TRAF3: variants seen among roughly 807,000 people sequenced by gnomAD.
The protein encoded by TRAF3 is TNF receptor associated factor 3.
A neutral mutation model predicts 62.3 loss-of-function variants in TRAF3; 13 were observed. The ratio of observed to expected loss-of-function variants is 0.21; its 90% CI spans 0.14 to 0.33. The LOEUF is 0.33. Ranked by LOEUF, TRAF3 falls within the 10% of genes least tolerant of loss-of-function variation. The probability of loss-of-function intolerance (pLI) is 1.00; values close to 1 mark genes in which losing one functional copy is unlikely to be tolerated. For synonymous variants in TRAF3, 269 were observed against 283.4 expected (o/e 0.95, Z 0.51); for missense variants, 440 against 741.8 (o/e 0.59, Z 4.73).
chr14:102,823,884 T>TCTCAGC (rs34411291), intron 1 of TRAF3, among the ~76,000 whole-genome samples: 1 of 151,454 alleles, frequency 6.6e-6, no homozygotes, highest in Non-Finnish European at 1.5e-5. Flanking sequence ...CTGTGTGCAG[T>TCTCAGC]CTCTGTCACT....
intron 1 of TRAF3, among the ~76,000 whole-genome samples, chr14:102,825,098 G>A (rs976725204): frequency 6.6e-6 from 1 of 152,242 alleles, no homozygotes; most frequent in Admixed American, 6.5e-5. Context: ...CAGTGCCAGA[G>A]GGAGGCAGCA....
At chr14:102,801,352 A>T (rs1383496673) in intron 1 of TRAF3, among the ~76,000 whole-genome samples, 6 of 152,166 alleles carry the variant, frequency 3.9e-5, no homozygotes, top group African/African-American at 1.4e-4. Flanking sequence ...AAATATGCGT[A>T]CAATATTTCC....
intron 6 of TRAF3, among the ~76,000 whole-genome samples, chr14:102,879,306 C>G (rs1888904499): frequency 6.6e-6 from 1 of 152,170 alleles, no homozygotes; most frequent in Non-Finnish European, 1.5e-5. Context: ...GAGTCTCACT[C>G]TGTCATCCAG....
At chr14:102,785,789 T>G (rs1348056902) in intron 1 of TRAF3, among the ~76,000 whole-genome samples, 1 of 152,200 alleles carries the variant, frequency 6.6e-6, no homozygotes, top group Non-Finnish European at 1.5e-5. Flanking sequence ...GCTTGTTTCA[T>G]GGCCATTTGT....
chr14:102,844,764 G>T (rs1356442263), intron 2 of TRAF3, among the ~76,000 whole-genome samples: 1 of 152,106 alleles, frequency 6.6e-6, no homozygotes, highest in Non-Finnish European at 1.5e-5. Flanking sequence ...TAGTTGGCCA[G>T]GTGTGGTGGC....
intron 2 of TRAF3, among the ~76,000 whole-genome samples, chr14:102,839,520 A>G (rs1886249479): frequency 6.6e-6 from 1 of 152,142 alleles, no homozygotes; most frequent in South Asian, 2.1e-4. Context: ...GTGCCCAGCC[A>G]TTATTTGCTT....
At chr14:102,889,741 A>G (rs1490660255) in intron 8 of TRAF3, 107 bp downstream of exon 8, 5 of 1,370,028 alleles carry the variant, frequency 3.6e-6, no homozygotes, top group Admixed American at 3.4e-5. Flanking sequence ...ATTCTTTGTC[A>G]TGAAACTGAA....
chr14:102,891,470 A>G (rs1889710233), intron 9 of TRAF3, 53 bp downstream of exon 9: 4 of 1,547,568 alleles, frequency 2.6e-6, no homozygotes, highest in Non-Finnish European at 3.5e-6. Flanking sequence ...TCTTCAGATT[A>G]TTTAAAGACA....
intron 1 of TRAF3, among the ~76,000 whole-genome samples, chr14:102,828,884 TTTAAC>T (rs1900485649): frequency 1.3e-5 from 2 of 152,018 alleles, no homozygotes; most frequent in Admixed American, 1.3e-4. Context: ...TATTCATTTC[TTTAAC>T]TTAAGCAATG....
chr14:102,853,569 T>TC (rs1887176981), intron 2 of TRAF3, among the ~76,000 whole-genome samples: 1 of 152,102 alleles, frequency 6.6e-6, no homozygotes, highest in African/African-American at 2.4e-5. Flanking sequence ...GCGTGGTGGC[T>TC]CATGCCTGTA....
At chr14:102,818,382 T>G (rs1253400846) in intron 1 of TRAF3, among the ~76,000 whole-genome samples, 1 of 152,182 alleles carries the variant, frequency 6.6e-6, no homozygotes, top group Non-Finnish European at 1.5e-5. Flanking sequence ...GAAAGCTCTG[T>G]GAAGTTTGAT....
intron 9 of TRAF3, among the ~76,000 whole-genome samples, chr14:102,896,427 T>C (rs1385862788): frequency 6.6e-6 from 1 of 152,152 alleles, no homozygotes; most frequent in Non-Finnish European, 1.5e-5. Context: ...CCTGGCTTAT[T>C]TCAGTTAGCA....
At chr14:102,856,266 CT>C (rs1404350774) in intron 2 of TRAF3, among the ~76,000 whole-genome samples, 1 of 152,054 alleles carries the variant, frequency 6.6e-6, no homozygotes, top group East Asian at 1.9e-4. Flanking sequence ...CACTCAGCTG[CT>C]TATACTTATT....
At chr14:102,808,661 C>G (rs570104160) in intron 1 of TRAF3, among the ~76,000 whole-genome samples, 38 of 152,276 alleles carry the variant, frequency 2.5e-4, no homozygotes, top group Non-Finnish European at 4.4e-4. Flanking sequence ...AAGGTGGACC[C>G]TAGCTATAGA....
intron 2 of TRAF3, among the ~76,000 whole-genome samples, chr14:102,836,770 T>C (rs1190999001): frequency 2.0e-5 from 3 of 152,260 alleles, no homozygotes; most frequent in Non-Finnish European, 4.4e-5. Context: ...ACATGACTCT[T>C]ATCTAGCTAT....
At chr14:102,829,882 C>A (rs1454073278) in intron 1 of TRAF3, among the ~76,000 whole-genome samples, 1 of 152,320 alleles carries the variant, frequency 6.6e-6, no homozygotes, top group East Asian at 1.9e-4. Context: ...GTAATCCCAG[C>A]ACTTTGGGAG....
At chr14:102,799,485 CTG>C (rs1422643616) in intron 1 of TRAF3, among the ~76,000 whole-genome samples, 1 of 152,130 alleles carries the variant, frequency 6.6e-6, no homozygotes, top group Non-Finnish European at 1.5e-5. Flanking sequence ...GAGTTTCACT[CTG>C]TCGCCCAGGC....
At chr14:102,876,567 A>AGG in intron 6 of TRAF3, 42 bp downstream of exon 6, 1 of 1,605,676 alleles carries the variant, frequency 6.2e-7, no homozygotes, top group Non-Finnish European at 8.5e-7. Flanking sequence ...CTCAATTCCT[A>AGG]TATGATACAT....
At chr14:102,848,511 A>G (rs1435059741) in intron 2 of TRAF3, among the ~76,000 whole-genome samples, 1 of 152,250 alleles carries the variant, frequency 6.6e-6, no homozygotes, top group Non-Finnish European at 1.5e-5. Context: ...CCAAAGTGAG[A>G]TTTAATACAT....
Sources: gnomAD v4.1 joint callset for allele counts (sites outside exome capture counted in the v4.1 genomes callset) on GRCh38, gnomAD v4.1.1 for gene constraint, MANE v1.5 for transcripts, NCBI Gene and HGNC (gene_info 2026-07-23, HGNC 2026-07-21) for gene names.